The following SSBP4 variants were observed in gnomAD, a reference collection of about 807,000 sequenced individuals.
The protein encoded by SSBP4 is single-stranded DNA-binding protein 4.
In SSBP4, 33 loss-of-function variants were observed where a neutral mutation model predicts 64.6. The ratio of observed to expected loss-of-function variants is 0.51; its 90% CI spans 0.39 to 0.68. The LOEUF is 0.68. Ranked by LOEUF, SSBP4 falls within the 30% of genes least tolerant of loss-of-function variation. The pLI, the probability that SSBP4 is intolerant of heterozygous loss-of-function variation, is 0.00. For missense variants in SSBP4, 583 were observed against 566.8 expected (o/e 1.03, Z -0.29); for synonymous variants, 243 against 224.0 (o/e 1.08, Z -0.76).
the SSBP4 span, among the ~76,000 whole-genome samples, chr19:18,408,915 C>T: frequency 7.9e-5 from 12 of 151,950 alleles, no homozygotes; most frequent in South Asian, 1.5e-3. Context: ...TGGGCTCAAG[C>T]GATCCTCCTG....
At chr19:18,432,343 G>GA (rs1240824692) in intron 10 of SSBP4, 129 bp downstream of exon 10, 34 of 1,355,270 alleles carry the variant, frequency 2.5e-5, no homozygotes, top group Non-Finnish European at 3.2e-5. Context: ...GGCCACCGTT[G>GA]AGGGGAAACT....
At chr19:18,416,012 G>A (rs909725971), upstream of SSBP4, among the ~76,000 whole-genome samples, 2 of 152,066 alleles carry the variant, frequency 1.3e-5, no homozygotes, top group East Asian at 3.9e-4. Flanking sequence ...GAGCTTCTTA[G>A]GTTTTTTTAG....
At chr19:18,417,059 C>T (rs1568338314), upstream of SSBP4, among the ~76,000 whole-genome samples, 2 of 152,018 alleles carry the variant, frequency 1.3e-5, no homozygotes, top group Non-Finnish European at 2.9e-5. The surrounding 1 kb of genome is among the most constrained non-coding windows in gnomAD (Gnocchi z 5.4). Context: ...GCGCCTCAGC[C>T]TCCCTCCCTC....
intron 1 of SSBP4, among the ~76,000 whole-genome samples, chr19:18,421,019 T>A (rs1442547129): frequency 6.6e-6 from 1 of 151,740 alleles, no homozygotes; most frequent in African/African-American, 2.4e-5. Context: ...AGGGGTCCCA[T>A]GAGGACCTGC....
intron 4 of SSBP4, among the ~76,000 whole-genome samples, chr19:18,429,401 C>T (rs1259208243): frequency 1.4e-5 from 2 of 143,510 alleles, no homozygotes; most frequent in African/African-American, 4.9e-5. Flanking sequence ...GGCCAACCGC[C>T]GGGGAGGGCG....
intron 16 of SSBP4, 47 bp from the exon 17 acceptor site, chr19:18,433,663 G>C: frequency 1.5e-6 from 2 of 1,342,236 alleles, no homozygotes; most frequent in Admixed American, 3.6e-5. Context: ...GGGGTGGCGG[G>C]GAGGGGGCGG....
chr19:18,429,342 G>A (rs1488975302), intron 4 of SSBP4, among the ~76,000 whole-genome samples: 1 of 152,124 alleles, frequency 6.6e-6, no homozygotes, highest in Non-Finnish European at 1.5e-5. Context: ...GGCAACGCGG[G>A]CCGGGCCGGC....
intron 4 of SSBP4, among the ~76,000 whole-genome samples, chr19:18,429,288 C>T (rs1216786781): frequency 6.6e-6 from 1 of 151,578 alleles, no homozygotes; most frequent in Non-Finnish European, 1.5e-5. Flanking sequence ...CCCTGCCGAC[C>T]TTGGCGTCTC....
chr19:18,419,754 G>C (rs1310660204), intron 1 of SSBP4, 47 bp downstream of exon 1: 12 of 1,111,430 alleles, frequency 1.1e-5, no homozygotes, highest in Non-Finnish European at 1.3e-5. Flanking sequence ...GCTCTTCCGT[G>C]GGCTCCGGCG....
At position 18,433,579 on chromosome 19, in the gene SSBP4, CTGTAGGCT is replaced by C; in HGVS notation, c.992-5_994del. On this transcript the variant is annotated splice_acceptor_variant and splice_polypyrimidine_tract_variant and coding_sequence_variant and intron_variant, in exon 16 of 18. Transcript: ENST00000270061. LOFTEE classifies it high-confidence loss of function. Reference sequence around the variant, plus strand: ...AGCCGGTGCCCGTGTCTGTCCGTGTCTGTAGGCTCGGGCGACATGGACGGGTTGCCGAA... The same window carrying C: ...AGCCGGTGCCCGTGTCTGTCCGTGTCCGGGCGACATGGACGGGTTGCCGAA... The C allele has an allele frequency of 6.5e-7, 1 of 1,531,954 alleles. No homozygotes were observed. Among genetic ancestry groups the C allele is most frequent in the Non-Finnish European group, 8.8e-7 (1 of 1,138,960 alleles). The allele number at this position is 1,531,954 out of a possible 1,614,324, so 94.9% of individuals were successfully genotyped here.
chr19:18,434,467 T>G lies in SSBP4; in HGVS notation c.*221T>G, dbSNP rs1973853084. On this transcript the variant is annotated 3_prime_UTR_variant, in exon 18 of 18. Coordinates refer to ENST00000270061, the MANE Select transcript of SSBP4 (RefSeq NM_032627.5). ...TGGACCCTTCCTGCCATTTGTATTT[T>G]GTCCCAGAGAGAAAGGCTCTTTGGG... 1 of 931,556 alleles carries G rather than the reference T, an allele frequency of 1.1e-6. No individual in the cohort carries two copies. The highest frequency in any genetic ancestry group is 1.5e-6 in the Non-Finnish European group (1 of 678,202). 57.7% of individuals were successfully genotyped at this position (931,556 alleles called of 1,614,324 possible).
Position 18,433,011 on chromosome 19 carries a change from A to T in SSBP4, c.880A>T (p.Asn294Tyr). 1 of 1,614,146 alleles carries T rather than the reference A, an allele frequency of 6.2e-7. No homozygotes were observed. The highest frequency in any genetic ancestry group is 8.5e-7 in the Non-Finnish European group (1 of 1,180,020). The change falls in exon 14 of 18, where the codon AAC becomes TAC. Residue 294 changes from asparagine to tyrosine, a missense_variant. Asn to Tyr is a moderately radical substitution (Grantham distance 143). This residue lies in a region of SSBP4 where 444 missense variants were observed against 386.6 expected (regional missense o/e 1.15). Coordinates refer to ENST00000270061, the MANE Select transcript of SSBP4 (RefSeq NM_032627.5). ...CAGCGAAAACATGTACACTATCATG[A>T]ACCCCATCGGGCAGGGCGCCGGCAG... ...NSSENMYTIM[N>Y]PIGQGAGRAN...
intron 17 of SSBP4, 146 bp downstream of exon 17, chr19:18,433,963 C>T (rs936151767): frequency 8.5e-7 from 1 of 1,179,906 alleles, no homozygotes; most frequent in South Asian, 3.3e-5. Context: ...TCCTTTCCCT[C>T]TCCTCAACCT....
the SSBP4 span, among the ~76,000 whole-genome samples, chr19:18,404,859 TCCAGCGCAGGTAA>T: frequency 8.1e-6 from 1 of 123,390 alleles, no homozygotes; most frequent in African/African-American, 3.3e-5. Flanking sequence ...GCCACTGCAC[TCCAGCGCAGGTAA>T]CAGAGCGAGA....
At position 18,423,733 on chromosome 19, in the gene SSBP4, G is replaced by T. The variant is rs996961032; in HGVS notation, c.60-3618G>T. Among the ~76,000 whole-genome samples, 3 of 152,154 alleles carry T rather than the reference G, an allele frequency of 2.0e-5. No individual in the cohort carries two copies. Among genetic ancestry groups the T allele is most frequent in the African/African-American group, 4.8e-5 (2 of 41,428 alleles). On this transcript the variant is annotated intron_variant, in intron 1 of 17. Transcript: ENST00000270061. This position sits in a 1 kb window ranked among gnomAD's most constrained non-coding sequence, Gnocchi z 4.0. ...CAGGTCCAGGCGCCCCATGTCCTCC[G>T]AGTCTTGTGTTCCTTCTGCAGGGAG... is the stretch of plus-strand genomic sequence containing the variant.
At chr19:18,429,590 C>G (rs922654725) in intron 4 of SSBP4, among the ~76,000 whole-genome samples, 1 of 151,806 alleles carries the variant, frequency 6.6e-6, no homozygotes, top group African/African-American at 2.4e-5. Context: ...TGCCCCCTCC[C>G]CACCCTCGGG....
At chr19:18,415,368 A>G (rs751781601), upstream of SSBP4, among the ~76,000 whole-genome samples, 1 of 152,162 alleles carries the variant, frequency 6.6e-6, no homozygotes, top group Non-Finnish European at 1.5e-5. Flanking sequence ...AACCACCAGC[A>G]GGAAAACCCA....
chr19:18,418,137 C>T (rs1260956518), upstream of SSBP4, among the ~76,000 whole-genome samples: 5 of 152,158 alleles, frequency 3.3e-5, no homozygotes, highest in Non-Finnish European at 5.9e-5. The surrounding 1 kb of genome is among the most constrained non-coding windows in gnomAD (Gnocchi z 6.7). Context: ...CACCGCGCAG[C>T]CAGGGACAGT....
At chr19:18,430,772 G>A (rs933095545) in intron 4 of SSBP4, 69 bp from the exon 5 acceptor site, 3 of 1,430,850 alleles carry the variant, frequency 2.1e-6, no homozygotes, top group South Asian at 1.3e-5. Flanking sequence ...CAGAGAGGGG[G>A]GGCACACCCC....
Sources: gnomAD v4.1 joint callset for allele counts (sites outside exome capture counted in the v4.1 genomes callset) on GRCh38, gnomAD v4.1.1 for gene constraint, gnomAD v4.1.1 regional missense constraint, Gnocchi (gnomAD v3.1) non-coding constraint, MANE v1.5 for transcripts, NCBI Gene and HGNC (gene_info 2026-07-23, HGNC 2026-07-21) for gene names.